Variants in ST3GAL1 observed in about 807,000 individuals in gnomAD.
ST3GAL1 encodes the protein ST3 beta-galactoside alpha-2,3-sialyltransferase 1.
In ST3GAL1, 16 loss-of-function variants were observed where a neutral mutation model predicts 34.1. The ratio of observed to expected loss-of-function variants is 0.47; its 90% CI spans 0.32 to 0.71. The LOEUF is 0.71. Ranked by LOEUF, ST3GAL1 falls within the 30% of genes least tolerant of loss-of-function variation. ST3GAL1 has a pLI of 0.04. For missense variants in ST3GAL1, 353 were observed against 447.4 expected, an observed-to-expected ratio of 0.79 and a Z score of 1.90; for synonymous variants, 191 against 184.7, an observed-to-expected ratio of 1.03 and a Z score of -0.28.
At chr8:133,540,904 T>TAGACATATATAA in intron 2 of ST3GAL1, among the ~76,000 whole-genome samples, 1 of 125,016 alleles carries the variant, frequency 8.0e-6, no homozygotes, top group Non-Finnish European at 1.6e-5. Context: ...GACATATATA[T>TAGACATATATAA]AGACATATAT....
intron 2 of ST3GAL1, among the ~76,000 whole-genome samples, chr8:133,541,108 T>A (rs1202858533): frequency 4.4e-5 from 2 of 45,732 alleles, no homozygotes; most frequent in African/African-American, 1.2e-4. Context: ...TATATATATA[T>A]ATATATATAT....
chr8:133,515,806 A>G (rs2131018957), intron 2 of ST3GAL1: 1 of 152,332 alleles, frequency 6.6e-6, no homozygotes, highest in South Asian at 2.1e-4. Context: ...CATAATTACC[A>G]AATGCCCTCT....
At chr8:133,495,661 T>C (rs1554968) in intron 3 of ST3GAL1, among the ~76,000 whole-genome samples, 141,109 of 152,220 alleles carry the variant, frequency 0.93, 65,474 homozygotes, top group East Asian at 1. Flanking sequence ...GTAATGTTTC[T>C]CTCTGAGACA....
intron 1 of ST3GAL1, among the ~76,000 whole-genome samples, chr8:133,552,376 G>T (rs1818888022): frequency 6.6e-6 from 1 of 152,232 alleles, no homozygotes; most frequent in South Asian, 2.1e-4. Flanking sequence ...GCTGAGTGAG[G>T]AATGGTGAGA....
At chr8:133,535,673 G>C (rs1818290307) in intron 2 of ST3GAL1, among the ~76,000 whole-genome samples, 1 of 152,042 alleles carries the variant, frequency 6.6e-6, no homozygotes, top group Non-Finnish European at 1.5e-5. Context: ...TTTTTTGGTA[G>C]GGGGTGAATC....
chr8:133,520,772 GGTT>G (rs1246427233), intron 2 of ST3GAL1, among the ~76,000 whole-genome samples: 1 of 119,336 alleles, frequency 8.4e-6, no homozygotes, highest in East Asian at 2.5e-4. Context: ...ATTTTTTGTG[GGTT>G]TTTTTTTTTT....
At chr8:133,486,900 A>G (rs766899035) in intron 3 of ST3GAL1, among the ~76,000 whole-genome samples, 1 of 152,200 alleles carries the variant, frequency 6.6e-6, no homozygotes, top group Non-Finnish European at 1.5e-5. Flanking sequence ...AGACTTGGCT[A>G]ATTGAACAAA....
At position 133,535,238 on chromosome 8, in the gene ST3GAL1, C is replaced by T. The variant is rs553956875; in HGVS notation, c.-429+10536G>A. On this transcript the variant is annotated intron_variant, in intron 2 of 9. Coordinates refer to ENST00000522652, the MANE Select transcript of ST3GAL1 (RefSeq NM_173344.3). ...TTGGGGTGATGAGCCCAGGCTAGAG[C>T]TACATTATATCTATATCTATATCCA... Among the ~76,000 whole-genome samples, 5 of 152,326 alleles carry T rather than the reference C, an allele frequency of 3.3e-5. 1 individual carries two copies. In the South Asian group the frequency reaches 8.3e-4, roughly 25 times the overall value.
chr8:133,500,527 G>C (rs1167934966), intron 2 of ST3GAL1, among the ~76,000 whole-genome samples: 5 of 152,310 alleles, frequency 3.3e-5, no homozygotes, highest in South Asian at 2.1e-4. Flanking sequence ...AATGTCACCT[G>C]GGTCTGAGGG....
intron 2 of ST3GAL1, among the ~76,000 whole-genome samples, chr8:133,510,800 A>G (rs1426934203): frequency 1.3e-5 from 2 of 152,186 alleles, no homozygotes; most frequent in Non-Finnish European, 2.9e-5. Context: ...TGTTGCCTGG[A>G]CCCAGTGGTC....
intron 2 of ST3GAL1, among the ~76,000 whole-genome samples, chr8:133,500,777 G>A (rs1196876070): frequency 6.6e-6 from 1 of 152,232 alleles, no homozygotes; most frequent in East Asian, 1.9e-4. Context: ...CCTGAGGGCT[G>A]AACTATCATC....
chr8:133,530,693 C>T (rs775487156), intron 2 of ST3GAL1, among the ~76,000 whole-genome samples: 1 of 152,154 alleles, frequency 6.6e-6, no homozygotes, highest in Non-Finnish European at 1.5e-5. Context: ...AGGGAATGCA[C>T]ATGCCTTTGT....
chr8:133,541,003 A>G (rs1182105350), intron 2 of ST3GAL1, among the ~76,000 whole-genome samples: 153 of 96,120 alleles, frequency 1.6e-3, no homozygotes, highest in Non-Finnish European at 2.4e-3. Context: ...ACATATATAT[A>G]TAGACATATA....
chr8:133,515,027 G>A (rs1457285625), intron 2 of ST3GAL1, among the ~76,000 whole-genome samples: 1 of 152,106 alleles, frequency 6.6e-6, no homozygotes, highest in Non-Finnish European at 1.5e-5. Flanking sequence ...CAGATGACCT[G>A]CCCCTCCCTT....
intron 1 of ST3GAL1, among the ~76,000 whole-genome samples, chr8:133,551,156 C>T (rs1483277532): frequency 2.6e-5 from 4 of 152,260 alleles, no homozygotes; most frequent in Middle Eastern, 6.8e-3. Flanking sequence ...CTAGGGGACA[C>T]TGGTCAAGTC....
rs144036604 is a variant in ST3GAL1, at chr8:133,521,586, C to T, written c.-428-22397G>A. On this transcript the variant is annotated intron_variant, in intron 2 of 9. Coordinates refer to ENST00000522652, the MANE Select transcript of ST3GAL1 (RefSeq NM_173344.3). ...TGCTGGAATTACAGGCGTGAAACAC[C>T]GCCCCCAGGCCTATCATGTTATTTT... Among the ~76,000 whole-genome samples the T allele has an allele frequency of 4.3e-3, 650 of 152,300 alleles. 6 individuals carry two copies. Among genetic ancestry groups the T allele is most frequent in the African/African-American group, 0.014 (587 of 41,570 alleles).
intron 3 of ST3GAL1, among the ~76,000 whole-genome samples, chr8:133,492,219 G>A (rs867808182): frequency 2.6e-5 from 4 of 152,216 alleles, no homozygotes; most frequent in South Asian, 2.1e-4. Flanking sequence ...GTCAGGAGGC[G>A]TGGACCATGG....
chr8:133,504,155 C>T (rs1817264915), intron 2 of ST3GAL1, among the ~76,000 whole-genome samples: 1 of 152,156 alleles, frequency 6.6e-6, no homozygotes, highest in South Asian at 2.1e-4. Context: ...TCCCCCTCCT[C>T]CAGTCCTGCA....
At chr8:133,494,408 A>C (rs2130983637) in intron 3 of ST3GAL1, among the ~76,000 whole-genome samples, 1 of 152,274 alleles carries the variant, frequency 6.6e-6, no homozygotes, top group East Asian at 1.9e-4. Context: ...AAAAGCAGTG[A>C]GATCTTTCCC....
Sources: gnomAD v4.1 joint callset for allele counts (sites outside exome capture counted in the v4.1 genomes callset) on GRCh38, gnomAD v4.1.1 for gene constraint, MANE v1.5 for transcripts, NCBI Gene and HGNC (gene_info 2026-07-23, HGNC 2026-07-21) for gene names.